Variants in MECOM observed in about 807,000 individuals in gnomAD.
The protein encoded by MECOM is histone-lysine N-methyltransferase MECOM.
In MECOM, 13 loss-of-function variants were observed where a neutral mutation model predicts 116.3. The observed-to-expected ratio is 0.11, with a 90% confidence interval of 0.07 to 0.18. The LOEUF (loss-of-function observed/expected upper bound fraction) is 0.18, where lower values mean the gene tolerates loss of function less well. Ranked by LOEUF, MECOM falls within the 10% of genes least tolerant of loss-of-function variation. The probability of loss-of-function intolerance (pLI) is 1.00; values close to 1 mark genes in which losing one functional copy is unlikely to be tolerated. For synonymous variants in MECOM, 528 were observed against 535.2 expected, an observed-to-expected ratio of 0.99 and a Z score of 0.19; for missense variants, 1,299 against 1,509.0, an observed-to-expected ratio of 0.86 and a Z score of 2.31.
At chr3:169,148,433 A>G (rs1740528268) in intron 2 of MECOM, among the ~76,000 whole-genome samples, 1 of 152,210 alleles carries the variant, frequency 6.6e-6, no homozygotes, top group South Asian at 2.1e-4. Context: ...TACAGGGGAT[A>G]CATAGCAAAA....
intron 1 of MECOM, among the ~76,000 whole-genome samples, chr3:169,512,854 G>A (rs1756152929): frequency 6.6e-6 from 1 of 151,788 alleles, no homozygotes; most frequent in African/African-American, 2.4e-5. Context: ...TTCATCACCA[G>A]GAGTCTGACT....
chr3:169,173,548 A>C (rs1171548474), intron 2 of MECOM, among the ~76,000 whole-genome samples: 1 of 152,122 alleles, frequency 6.6e-6, no homozygotes, highest in Admixed American at 6.5e-5. Context: ...GGCTTGTACT[A>C]TCTTAGCCTC....
intron 1 of MECOM, among the ~76,000 whole-genome samples, chr3:169,427,040 A>G (rs916459482): frequency 6.6e-6 from 1 of 152,154 alleles, no homozygotes; most frequent in African/African-American, 2.4e-5. Flanking sequence ...CTTTTTTTCA[A>G]TAACAAGCAT....
intron 2 of MECOM, among the ~76,000 whole-genome samples, chr3:169,158,757 G>A (rs1742377398): frequency 6.6e-6 from 1 of 152,162 alleles, no homozygotes; most frequent in African/African-American, 2.4e-5. Flanking sequence ...TCAGTAAGAT[G>A]TAAATTCACT....
chr3:169,447,132 T>A (rs944050576), intron 1 of MECOM, among the ~76,000 whole-genome samples: 2 of 152,168 alleles, frequency 1.3e-5, no homozygotes, highest in African/African-American at 4.8e-5. Flanking sequence ...ATCCTTGAGA[T>A]GTAAAAGAAA....
intron 7 of MECOM, chr3:169,120,829 C>G: frequency 2.7e-6 from 1 of 369,408 alleles, no homozygotes; most frequent in Non-Finnish European, 4.8e-6. Context: ...TTTTCTCTAC[C>G]TGTTATTGAT....
intron 1 of MECOM, among the ~76,000 whole-genome samples, chr3:169,576,903 T>C (rs995051544): frequency 1.3e-5 from 2 of 151,782 alleles, no homozygotes; most frequent in Non-Finnish European, 2.9e-5. Context: ...TTGGAGTTAA[T>C]ATAATATCAA....
At chr3:169,521,805 A>G (rs1380820527) in intron 1 of MECOM, among the ~76,000 whole-genome samples, 2 of 152,230 alleles carry the variant, frequency 1.3e-5, no homozygotes, top group Non-Finnish European at 2.9e-5. Flanking sequence ...CGTGGGTTCC[A>G]TATCTGTGGA....
At chr3:169,378,409 GAA>G (rs1731466642) in intron 2 of MECOM, among the ~76,000 whole-genome samples, 1 of 54,754 alleles carries the variant, frequency 1.8e-5, no homozygotes, top group African/African-American at 1.5e-4. Flanking sequence ...AAGAAAGAAA[GAA>G]AGAAAGAAAG....
chr3:169,123,460 TTC>T (rs1731769593), intron 5 of MECOM, among the ~76,000 whole-genome samples: 1 of 151,998 alleles, frequency 6.6e-6, no homozygotes, highest in African/African-American at 2.4e-5. Flanking sequence ...CAAGCATAGT[TTC>T]TCTGTTTTAA....
chr3:169,133,795 G>A (rs1735497550), intron 3 of MECOM: 1 of 481,590 alleles, frequency 2.1e-6, no homozygotes, highest in African/African-American at 2.0e-5. Context: ...AAAATAATGT[G>A]TGAGTTTGCT....
intron 2 of MECOM, among the ~76,000 whole-genome samples, chr3:169,205,906 G>A (rs1286065468): frequency 6.6e-6 from 1 of 152,180 alleles, no homozygotes; most frequent in South Asian, 2.1e-4. Flanking sequence ...AATTGAAAAT[G>A]TTCACCCCAA....
intron 2 of MECOM, among the ~76,000 whole-genome samples, chr3:169,375,997 C>T (rs1297858528): frequency 6.6e-6 from 1 of 152,152 alleles, no homozygotes; most frequent in African/African-American, 2.4e-5. Context: ...AAGTCGGCTT[C>T]ATCCCTGGGA....
intron 1 of MECOM, among the ~76,000 whole-genome samples, chr3:169,512,142 C>T (rs1756049278): frequency 6.6e-6 from 1 of 152,200 alleles, no homozygotes; most frequent in African/African-American, 2.4e-5. Context: ...CAGGCCATCT[C>T]CCTAAATGCA....
chr3:169,108,759 A>G (rs754099792), intron 9 of MECOM, among the ~76,000 whole-genome samples: 3 of 152,188 alleles, frequency 2.0e-5, no homozygotes, highest in Non-Finnish European at 2.9e-5. Flanking sequence ...AAGATGAAGA[A>G]CAGAAGATTT....
At chr3:169,533,591 T>TTTTTTTTTC (rs55667588) in intron 1 of MECOM, among the ~76,000 whole-genome samples, 5 of 132,232 alleles carry the variant, frequency 3.8e-5, no homozygotes, top group African/African-American at 1.2e-4. Flanking sequence ...TTTTTTTTTT[T>TTTTTTTTTC]ATTTCCTTAT....
Position 169,130,480 on chromosome 3 carries a change from C to T in MECOM, c.613+949G>A. Among the ~76,000 whole-genome samples the T allele has an allele frequency of 1.3e-5, 2 of 151,242 alleles. 1 individual carries two copies. Among genetic ancestry groups the T allele is most frequent in the South Asian group, 4.2e-4 (2 of 4,716 alleles). Reference sequence around the variant, plus strand: ...CCCCGCCCCCGCCGCCAGCCCTCCCCCTCCCCCTGCAAATACAACTACTCT... The same window carrying T: ...CCCCGCCCCCGCCGCCAGCCCTCCCTCTCCCCCTGCAAATACAACTACTCT... On this transcript the variant is annotated intron_variant, in intron 4 of 16. Coordinates refer to ENST00000651503, the MANE Select transcript of MECOM (RefSeq NM_004991.4).
At chr3:169,163,830 C>T (rs1319702030) in intron 2 of MECOM, among the ~76,000 whole-genome samples, 1 of 152,120 alleles carries the variant, frequency 6.6e-6, no homozygotes, top group East Asian at 1.9e-4. Flanking sequence ...GACAGGGACT[C>T]TTAGGACCCC....
chr3:169,226,552 C>T (rs1461995815), intron 2 of MECOM, among the ~76,000 whole-genome samples: 4 of 152,148 alleles, frequency 2.6e-5, no homozygotes, highest in African/African-American at 9.7e-5. Context: ...TACAGTTATT[C>T]TCCCCGTTTT....
Sources: gnomAD v4.1 joint callset for allele counts (sites outside exome capture counted in the v4.1 genomes callset) on GRCh38, gnomAD v4.1.1 for gene constraint, MANE v1.5 for transcripts, NCBI Gene and HGNC (gene_info 2026-07-23, HGNC 2026-07-21) for gene names.